Variants in ALPK1 observed in about 807,000 individuals in gnomAD.
ALPK1 encodes the protein alpha-protein kinase 1.
A neutral mutation model predicts 120.6 loss-of-function variants in ALPK1; 110 were observed. The ratio of observed to expected loss-of-function variants is 0.91; its 90% CI spans 0.78 to 1.07. The LOEUF (loss-of-function observed/expected upper bound fraction) is 1.07, where lower values mean the gene tolerates loss of function less well. ALPK1 is among the 50% of genes least tolerant of loss of function. The pLI, the probability that ALPK1 is intolerant of heterozygous loss-of-function variation, is 0.00. For synonymous variants in ALPK1, 582 were observed against 560.3 expected (o/e 1.04, Z -0.55); for missense variants, 1,498 against 1,483.9 (o/e 1.01, Z -0.16).
chr4:112,423,480 C>T (rs902432568), intron 5 of ALPK1, among the ~76,000 whole-genome samples: 7 of 152,192 alleles, frequency 4.6e-5, no homozygotes, highest in Admixed American at 1.3e-4. Flanking sequence ...AGAATAGGCC[C>T]TTCCTATGTG....
At chr4:112,330,983 T>C (rs1038694509) in intron 2 of ALPK1, among the ~76,000 whole-genome samples, 2 of 152,208 alleles carry the variant, frequency 1.3e-5, no homozygotes, top group Non-Finnish European at 2.9e-5. Context: ...AACTCCATGA[T>C]GAAAGAGGTT....
chr4:112,372,118 A>T (rs1477051545), intron 2 of ALPK1, among the ~76,000 whole-genome samples: 1 of 152,034 alleles, frequency 6.6e-6, no homozygotes, highest in African/African-American at 2.4e-5. Flanking sequence ...TCCTCTTTTC[A>T]TTACTATATG....
chr4:112,418,433 C>G (rs1451865573), intron 5 of ALPK1, among the ~76,000 whole-genome samples: 1 of 152,244 alleles, frequency 6.6e-6, no homozygotes, highest in Non-Finnish European at 1.5e-5. Flanking sequence ...TCGGCTGACC[C>G]TCTGCACAAT....
intron 4 of ALPK1, among the ~76,000 whole-genome samples, chr4:112,398,642 T>C (rs1037767619): frequency 1.4e-4 from 21 of 152,032 alleles, no homozygotes; most frequent in African/African-American, 5.1e-4. Flanking sequence ...CGTGTTAAAG[T>C]CAAGAGCAGG....
intron 1 of ALPK1, among the ~76,000 whole-genome samples, chr4:112,312,364 C>T (rs1262376214): frequency 6.6e-6 from 1 of 152,118 alleles, no homozygotes. Flanking sequence ...AGCTCCGCCT[C>T]CCGGGTCACG....
At chr4:112,356,323 C>T in intron 2 of ALPK1, 2 of 912,542 alleles carry the variant, frequency 2.2e-6, no homozygotes, top group Non-Finnish European at 1.8e-6. Context: ...ACCTCCAAGA[C>T]ACCATCTTTG....
At chr4:112,378,734 ACTC>A (rs1163411493) in intron 3 of ALPK1, among the ~76,000 whole-genome samples, 3 of 152,064 alleles carry the variant, frequency 2.0e-5, no homozygotes, top group African/African-American at 7.2e-5. Flanking sequence ...TAAAATGCAT[ACTC>A]CTCATTTTTT....
intron 4 of ALPK1, 98 bp from the exon 5 acceptor site, chr4:112,411,724 TGTGGG>T (rs1173688990): frequency 7.4e-6 from 8 of 1,085,950 alleles, no homozygotes; most frequent in Non-Finnish European, 9.4e-6. Context: ...TCTTCCTAGC[TGTGGG>T]TTTTGTTGTA....
chr4:112,387,095 C>G (rs1437259795), intron 4 of ALPK1, among the ~76,000 whole-genome samples: 1 of 152,162 alleles, frequency 6.6e-6, no homozygotes, highest in East Asian at 1.9e-4. Context: ...TTTAGCTCAG[C>G]TTTGGGCCAT....
chr4:112,317,349 C>G (rs2110540096), intron 2 of ALPK1, among the ~76,000 whole-genome samples: 1 of 152,226 alleles, frequency 6.6e-6, no homozygotes, highest in Admixed American at 6.5e-5. Flanking sequence ...ATGTGTTCTT[C>G]TAAGAGTTTT....
chr4:112,323,941 A>C (rs1728975418), intron 2 of ALPK1, among the ~76,000 whole-genome samples: 1 of 152,126 alleles, frequency 6.6e-6, no homozygotes, highest in Non-Finnish European at 1.5e-5. Context: ...AGTAGTAGTG[A>C]GTGGGCCAGT....
Position 112,429,265 on chromosome 4 carries a change from C to A in ALPK1, c.900+12C>A, listed in dbSNP as rs888745004. The A allele has an allele frequency of 6.2e-7, 1 of 1,600,246 alleles. No individual in the cohort carries two copies. The highest frequency in any genetic ancestry group is 8.5e-7 in the Non-Finnish European group (1 of 1,172,406). On this transcript the variant is annotated intron_variant, in intron 10 of 15. Transcript: ENST00000650871. ...TGCTCACAGCTGTGGTAAACGAATG[C>A]AGCCGCTCCTCAAACCCCCACAGGA...
At chr4:112,428,981 A>G (rs1734398007) in intron 9 of ALPK1, among the ~76,000 whole-genome samples, 168 bp from the exon 10 acceptor site, 1 of 152,110 alleles carries the variant, frequency 6.6e-6, no homozygotes, top group Non-Finnish European at 1.5e-5. Flanking sequence ...GAAAGTCAAC[A>G]CCTTGTGGTC....
At chr4:112,371,194 T>C (rs1478665250) in intron 2 of ALPK1, among the ~76,000 whole-genome samples, 1 of 152,218 alleles carries the variant, frequency 6.6e-6, no homozygotes, top group Admixed American at 6.5e-5. Flanking sequence ...CGTGAATTTT[T>C]GCAATTATAC....
chr4:112,325,714 T>C (rs915869802), intron 2 of ALPK1, among the ~76,000 whole-genome samples: 3 of 152,240 alleles, frequency 2.0e-5, no homozygotes, highest in Non-Finnish European at 4.4e-5. Flanking sequence ...ACTGCTGTAG[T>C]ATCACTGCTC....
At position 112,412,339 on chromosome 4, in the gene ALPK1, ATACTTCTGACC is replaced by A. The variant is rs1733521816; in HGVS notation, c.475+315_475+325del. On this transcript the variant is annotated intron_variant, in intron 5 of 15. Coordinates refer to ENST00000650871, the MANE Select transcript of ALPK1 (RefSeq NM_025144.4). Reference sequence around the variant, plus strand: ...TTCAAACAGGGGTATCTGAATTGCTATACTTCTGACCAAGAGTCTTTAAAAAGCAGATTAGA... The same window carrying A: ...TTCAAACAGGGGTATCTGAATTGCTAAAGAGTCTTTAAAAAGCAGATTAGA... 1.3e-4 allele frequency: 72 copies of A among 534,764 alleles called. 1 individual carries two copies. The highest frequency in any genetic ancestry group is 1.1e-3 in the South Asian group (72 of 65,234). The allele number at this position is 534,764 out of a possible 1,614,324, so 33.1% of individuals were successfully genotyped here.
At chr4:112,420,432 G>A (rs7686496) in intron 5 of ALPK1, among the ~76,000 whole-genome samples, 26,688 of 152,144 alleles carry the variant, frequency 0.18, 2,885 homozygotes, top group Non-Finnish European at 0.24. Flanking sequence ...TACCATTAAG[G>A]GTTCAGGTTC....
chr4:112,357,497 C>T (rs1330060032), intron 2 of ALPK1: 5 of 779,500 alleles, frequency 6.4e-6, no homozygotes, highest in Admixed American at 2.1e-5. Context: ...TGCTTCAGTC[C>T]TGGCCACAGC....
intron 4 of ALPK1, among the ~76,000 whole-genome samples, chr4:112,389,342 C>G (rs1281806658): frequency 6.6e-6 from 1 of 152,186 alleles, no homozygotes; most frequent in Non-Finnish European, 1.5e-5. Context: ...CCGTGCCTGG[C>G]CTGTGCTGGC....
Sources: allele counts gnomAD v4.1 joint callset (sites outside exome capture counted in the v4.1 genomes callset), GRCh38; gene constraint gnomAD v4.1.1; transcripts MANE v1.5; gene names NCBI Gene and HGNC (gene_info 2026-07-23, HGNC 2026-07-21).